Variants in TIAM1 observed in about 807,000 individuals in gnomAD.
TIAM1 encodes the protein TIAM Rac1 associated GEF 1.
TIAM1 carries 65 observed loss-of-function variants against 163.5 expected under a neutral mutation model. That is an observed-to-expected ratio of 0.40 (90% confidence interval 0.33 to 0.49). TIAM1 has a LOEUF of 0.49. Ranked by LOEUF, TIAM1 falls within the 20% of genes least tolerant of loss-of-function variation. The probability of loss-of-function intolerance (pLI) is 0.77; values close to 1 mark genes in which losing one functional copy is unlikely to be tolerated. For synonymous variants in TIAM1, 833 were observed against 810.1 expected, an observed-to-expected ratio of 1.03 and a Z score of -0.48; for missense variants, 1,789 against 2,044.7, an observed-to-expected ratio of 0.87 and a Z score of 2.41.
At chr21:31,218,630 A>G (rs2087352701) in intron 8 of TIAM1, among the ~76,000 whole-genome samples, 1 of 152,132 alleles carries the variant, frequency 6.6e-6, no homozygotes, top group African/African-American at 2.4e-5. Flanking sequence ...ACTGAGTCCA[A>G]GATGACTTAT....
At chr21:31,549,870 T>C (rs1313504760) in intron 1 of TIAM1, among the ~76,000 whole-genome samples, 1 of 152,214 alleles carries the variant, frequency 6.6e-6, no homozygotes, top group African/African-American at 2.4e-5. Flanking sequence ...ACGCCTGTAA[T>C]CTCAGCACTT....
intron 2 of TIAM1, among the ~76,000 whole-genome samples, chr21:31,448,956 T>G (rs925198676): frequency 6.6e-6 from 1 of 152,082 alleles, no homozygotes; most frequent in African/African-American, 2.4e-5. Context: ...GCCCACCTGC[T>G]AGGATTGGCT....
intron 16 of TIAM1, among the ~76,000 whole-genome samples, chr21:31,160,108 A>G (rs970360632): frequency 2.6e-5 from 4 of 152,210 alleles, no homozygotes; most frequent in African/African-American, 9.7e-5. Flanking sequence ...CACAATCAAA[A>G]TCTCAATAAC....
intron 2 of TIAM1, among the ~76,000 whole-genome samples, chr21:31,461,410 G>C (rs576609885): frequency 1.3e-5 from 2 of 152,188 alleles, no homozygotes; most frequent in Admixed American, 1.3e-4. Context: ...TTTGAACCCG[G>C]GAGGCGGAGG....
chr21:31,248,078 C>T (rs191652857), intron 5 of TIAM1, among the ~76,000 whole-genome samples: 8 of 152,218 alleles, frequency 5.3e-5, no homozygotes, highest in African/African-American at 1.9e-4. Flanking sequence ...CAAGACAGCC[C>T]TCACAACAAA....
intron 19 of TIAM1, among the ~76,000 whole-genome samples, chr21:31,151,656 T>C (rs1188321841): frequency 6.6e-6 from 1 of 151,964 alleles, no homozygotes; most frequent in Non-Finnish European, 1.5e-5. Context: ...GTGACGATGG[T>C]TTCATAGGGG....
intron 25 of TIAM1, 93 bp downstream of exon 25, chr21:31,130,120 G>GAAAA: frequency 1.2e-6 from 1 of 822,854 alleles, no homozygotes; most frequent in Non-Finnish European, 1.9e-6. Flanking sequence ...AAAGACGGTA[G>GAAAA]AAGAGTTAGA....
At chr21:31,469,360 C>T (rs1178181168) in intron 1 of TIAM1, among the ~76,000 whole-genome samples, 2 of 152,010 alleles carry the variant, frequency 1.3e-5, no homozygotes, top group African/African-American at 4.8e-5. Flanking sequence ...CTCAGCCTCC[C>T]AAAGTGCTGA....
At chr21:31,425,763 C>T (rs567278189) in intron 2 of TIAM1, among the ~76,000 whole-genome samples, 2 of 151,784 alleles carry the variant, frequency 1.3e-5, no homozygotes, top group South Asian at 4.2e-4. Flanking sequence ...ATGGCGAGAT[C>T]TCAGCTCATT....
intron 1 of TIAM1, among the ~76,000 whole-genome samples, chr21:31,515,079 T>C (rs1050394346): frequency 3.3e-5 from 5 of 152,230 alleles, no homozygotes; most frequent in African/African-American, 9.6e-5. Context: ...GACTACACTT[T>C]TGCAGAAACC....
At chr21:31,189,915 G>A (rs774844729) in intron 13 of TIAM1, among the ~76,000 whole-genome samples, 2 of 152,062 alleles carry the variant, frequency 1.3e-5, no homozygotes, top group Non-Finnish European at 2.9e-5. Flanking sequence ...TTTTAAATAG[G>A]ACAGCAATGT....
intron 5 of TIAM1, among the ~76,000 whole-genome samples, chr21:31,251,315 T>C (rs938300067): frequency 6.6e-6 from 1 of 152,170 alleles, no homozygotes; most frequent in Non-Finnish European, 1.5e-5. Context: ...TTAGGGGGCA[T>C]AAAGTTTCAC....
intron 1 of TIAM1, among the ~76,000 whole-genome samples, chr21:31,522,628 G>A (rs887374739): frequency 6.6e-6 from 1 of 152,136 alleles, no homozygotes; most frequent in Non-Finnish European, 1.5e-5. Flanking sequence ...CTGGGCCTCA[G>A]GCTTCCCATC....
At chr21:31,517,164 T>C (rs1331916513) in intron 1 of TIAM1, among the ~76,000 whole-genome samples, 1 of 152,118 alleles carries the variant, frequency 6.6e-6, no homozygotes, top group Non-Finnish European at 1.5e-5. Context: ...GTGCAGCGGT[T>C]AAGGCTACAA....
At chr21:31,320,076 A>G (rs2075261568) in intron 2 of TIAM1, among the ~76,000 whole-genome samples, 1 of 152,258 alleles carries the variant, frequency 6.6e-6, no homozygotes, top group South Asian at 2.1e-4. Context: ...TAAACAAAAC[A>G]TATGTATATA....
chr21:31,532,607 A>C (rs2048005872), intron 1 of TIAM1, among the ~76,000 whole-genome samples: 1 of 152,220 alleles, frequency 6.6e-6, no homozygotes. Flanking sequence ...CTATCTTTCC[A>C]ATATGCTAGT....
chr21:31,513,780 G>C (rs528281888), intron 1 of TIAM1, among the ~76,000 whole-genome samples: 4 of 152,138 alleles, frequency 2.6e-5, no homozygotes, highest in Admixed American at 6.6e-5. Flanking sequence ...AGCCGAGGCG[G>C]GTGGATCACC....
intron 1 of TIAM1, among the ~76,000 whole-genome samples, chr21:31,541,665 A>G (rs1021407664): frequency 1.3e-5 from 2 of 152,198 alleles, no homozygotes; most frequent in Admixed American, 1.3e-4. Context: ...GAAAAGAAAC[A>G]AAATACAAAG....
chr21:31,137,855 A>G lies in TIAM1; in HGVS notation c.3775-1814T>C, dbSNP rs1260561197. On this transcript the variant is annotated intron_variant, in intron 22 of 27. Coordinates refer to ENST00000541036, the MANE Select transcript of TIAM1 (RefSeq NM_001353694.2). ...AACTGGAGCTAACCAAGAGAAACCA[A>G]ACCTTGGTTGACCTACAAAGCCACA... 2.7e-5 allele frequency among the ~76,000 whole-genome samples: 4 copies of G among 150,002 alleles called. No individual in the cohort carries two copies. In the East Asian group the frequency reaches 5.9e-4, roughly 22 times the overall value.
Sources: allele counts gnomAD v4.1 joint callset (sites outside exome capture counted in the v4.1 genomes callset), GRCh38; gene constraint gnomAD v4.1.1; transcripts MANE v1.5; gene names NCBI Gene and HGNC (gene_info 2026-07-23, HGNC 2026-07-21).